Variants in MYCBP2 observed in about 807,000 individuals in gnomAD.
The protein encoded by MYCBP2 is E3 ubiquitin-protein ligase MYCBP2.
Under a neutral mutation model 525.3 loss-of-function variants are expected in MYCBP2, and 120 were observed. That is an observed-to-expected ratio of 0.23 (90% CI 0.20 to 0.27). MYCBP2 has a LOEUF of 0.27. Among genes scored for constraint, MYCBP2 ranks in the 10% least tolerant of loss-of-function variants. The probability of loss-of-function intolerance (pLI) is 1.00; values close to 1 mark genes in which losing one functional copy is unlikely to be tolerated. For synonymous variants in MYCBP2, 1,894 were observed against 1,955.8 expected (o/e 0.97, Z 0.83); for missense variants, 4,149 against 5,657.1 (o/e 0.73, Z 8.55).
intron 46 of MYCBP2, among the ~76,000 whole-genome samples, chr13:77,152,455 C>T (rs1393936475): frequency 6.6e-6 from 1 of 152,198 alleles, no homozygotes; most frequent in African/African-American, 2.4e-5. Context: ...GCAAAGGCCC[C>T]ACTCTCAAGC....
In MYCBP2 at chr13:77,072,990, TTTA is replaced by T. The variant is rs369180688; in HGVS notation, c.11824-2282_11824-2280del. Among the ~76,000 whole-genome samples the T allele has an allele frequency of 1.6e-3, 250 of 152,324 alleles. 1 individual carries two copies. The highest frequency in any genetic ancestry group is 5.4e-3 in the African/African-American group (226 of 41,588). ...TTTATTTTTGCTTTTTAAAAACATC[TTTA>T]TTGAGATATAGTTCACATACCATGC... On this transcript the variant is annotated intron_variant, in intron 68 of 82. Transcript: ENST00000544440.
At chr13:77,313,591 C>G (rs2080539534) in intron 1 of MYCBP2, among the ~76,000 whole-genome samples, 1 of 151,954 alleles carries the variant, frequency 6.6e-6, no homozygotes, top group Admixed American at 6.6e-5. Flanking sequence ...AAGGTACAAT[C>G]CATTAAAGAA....
intron 54 of MYCBP2, 128 bp from the exon 55 acceptor site, chr13:77,121,623 A>T: frequency 1.2e-6 from 1 of 854,246 alleles, no homozygotes; most frequent in Non-Finnish European, 1.6e-6. Flanking sequence ...TCTAGATTTG[A>T]TCAATTTAAA....
In MYCBP2 at chr13:77,062,398, A is replaced by G. The variant is rs138693855; in HGVS notation, c.12774+198T>C. Among the ~76,000 whole-genome samples the G allele has an allele frequency of 5.7e-3, 863 of 152,332 alleles. 8 individuals are homozygous for G. Among genetic ancestry groups the G allele is most frequent in the African/African-American group, 0.02 (830 of 41,570 alleles). ...TTAATATACTTAAATAAAAGCCCCT[A>G]AAGTTTCCATATACTATGAAGTAGG... On this transcript the variant is annotated intron_variant, in intron 74 of 82. Coordinates refer to ENST00000544440, the MANE Select transcript of MYCBP2 (RefSeq NM_015057.5).
intron 80 of MYCBP2, among the ~76,000 whole-genome samples, chr13:77,054,369 T>C (rs142782752): frequency 2.0e-5 from 3 of 152,168 alleles, no homozygotes; most frequent in Non-Finnish European, 4.4e-5. Flanking sequence ...GTATTATAAG[T>C]AGAAGAGTGA....
chr13:77,112,596 T>G (rs2049022494), intron 55 of MYCBP2, among the ~76,000 whole-genome samples: 1 of 151,648 alleles, frequency 6.6e-6, no homozygotes, highest in South Asian at 2.1e-4. Context: ...CAGCTGATCT[T>G]TAAAAAAATT....
intron 15 of MYCBP2, among the ~76,000 whole-genome samples, chr13:77,247,772 C>T (rs962020535): frequency 6.6e-6 from 1 of 152,018 alleles, no homozygotes; most frequent in African/African-American, 2.4e-5. Flanking sequence ...CATATATGGT[C>T]AGATGATTTT....
intron 66 of MYCBP2, 107 bp downstream of exon 66, chr13:77,078,717 C>T (rs1353290482): frequency 4.8e-6 from 4 of 828,426 alleles, no homozygotes; most frequent in Non-Finnish European, 8.2e-6. Context: ...TAGATAATTC[C>T]CTATAATACT....
intron 35 of MYCBP2, among the ~76,000 whole-genome samples, chr13:77,176,965 T>C (rs1214222228): frequency 6.6e-6 from 1 of 152,212 alleles, no homozygotes; most frequent in Non-Finnish European, 1.5e-5. Context: ...TGCTATTTAA[T>C]AGGCAATGAT....
intron 52 of MYCBP2, among the ~76,000 whole-genome samples, chr13:77,128,569 G>C (rs2052119797): frequency 6.6e-6 from 1 of 151,710 alleles, no homozygotes; most frequent in South Asian, 2.1e-4. Context: ...TTATTGAAAA[G>C]GTAATAAAAC....
At chr13:77,229,801 TATA>T (rs1485905902) in intron 18 of MYCBP2, among the ~76,000 whole-genome samples, 1 of 152,282 alleles carries the variant, frequency 6.6e-6, no homozygotes, top group African/African-American at 2.4e-5. Context: ...TTCCAAAGGC[TATA>T]ATATTTTCAT....
At chr13:77,288,030 C>T in intron 3 of MYCBP2, 131 bp downstream of exon 3, 1 of 864,182 alleles carries the variant, frequency 1.2e-6, no homozygotes, top group Non-Finnish European at 1.8e-6. Context: ...TCTATTTTTG[C>T]CCATAAGCCG....
chr13:77,188,423 T>G (rs1215076815), intron 30 of MYCBP2, among the ~76,000 whole-genome samples: 1 of 152,186 alleles, frequency 6.6e-6, no homozygotes, highest in South Asian at 2.1e-4. Flanking sequence ...AATCCTCAAT[T>G]AATACATGAG....
intron 55 of MYCBP2, among the ~76,000 whole-genome samples, chr13:77,104,977 T>C (rs1344554249): frequency 6.6e-6 from 1 of 152,160 alleles, no homozygotes; most frequent in Non-Finnish European, 1.5e-5. Flanking sequence ...GCTCTTATGC[T>C]ATTTAAGTGT....
chr13:77,161,373 A>G (rs1045857162), intron 44 of MYCBP2, among the ~76,000 whole-genome samples: 1 of 152,212 alleles, frequency 6.6e-6, no homozygotes, highest in South Asian at 2.1e-4. Context: ...TGCCTAAACG[A>G]GCAAAAAAGG....
At chr13:77,125,188 A>T in intron 54 of MYCBP2, 148 bp downstream of exon 54, 1 of 952,088 alleles carries the variant, frequency 1.1e-6, no homozygotes, top group Non-Finnish European at 1.6e-6. Flanking sequence ...AACCAATTTT[A>T]ACAGTTGCAA....
At chr13:77,244,083 T>G in intron 15 of MYCBP2, 132 bp from the exon 16 acceptor site, 1 of 966,476 alleles carries the variant, frequency 1.0e-6, no homozygotes, top group Non-Finnish European at 1.4e-6. Flanking sequence ...ATCACCTCTT[T>G]AGATCACGAT....
chr13:77,066,967 A>G (rs1245366105), intron 71 of MYCBP2, among the ~76,000 whole-genome samples: 1 of 152,160 alleles, frequency 6.6e-6, no homozygotes, highest in South Asian at 2.1e-4. Context: ...TCATACTTCT[A>G]TATTATGCTA....
intron 38 of MYCBP2, 69 bp from the exon 39 acceptor site, chr13:77,169,783 G>A (rs2058959549): frequency 7.8e-7 from 1 of 1,280,266 alleles, no homozygotes; most frequent in Non-Finnish European, 1.1e-6. Flanking sequence ...CATACATGCT[G>A]TACTAAATCT....
Sources: allele counts gnomAD v4.1 joint callset (sites outside exome capture counted in the v4.1 genomes callset), GRCh38; gene constraint gnomAD v4.1.1; transcripts MANE v1.5; gene names NCBI Gene and HGNC (gene_info 2026-07-23, HGNC 2026-07-21).